The following HMCN1 variants were observed in gnomAD, a reference collection of about 807,000 sequenced individuals.
HMCN1 encodes the protein hemicentin-1.
HMCN1 carries 321 observed loss-of-function variants against 625.9 expected under a neutral mutation model. The observed-to-expected ratio is 0.51, with a 90% CI of 0.47 to 0.56. The LOEUF (loss-of-function observed/expected upper bound fraction) is 0.56. HMCN1 is among the 20% of genes least tolerant of loss of function. The pLI, the probability that HMCN1 is intolerant of heterozygous loss-of-function variation, is 0.00. For missense variants in HMCN1, 6,588 were observed against 6,887.3 expected, an observed-to-expected ratio of 0.96 and a Z score of 1.54; for synonymous variants, 2,425 against 2,417.6, an observed-to-expected ratio of 1.00 and a Z score of -0.09.
At chr1:185,993,684 T>C (rs1652593097) in intron 23 of HMCN1, among the ~76,000 whole-genome samples, 1 of 152,134 alleles carries the variant, frequency 6.6e-6, no homozygotes. Context: ...TAAATGATAA[T>C]TTTCAATATT....
chr1:186,151,540 G>A, intron 94 of HMCN1, 66 bp from the exon 95 acceptor site: 1 of 1,468,082 alleles, frequency 6.8e-7, no homozygotes, highest in Non-Finnish European at 9.5e-7. Context: ...TGAATAATAT[G>A]CTATGAAGAC....
intron 15 of HMCN1, among the ~76,000 whole-genome samples, chr1:185,976,932 C>G (rs1651255845): frequency 6.6e-6 from 1 of 152,072 alleles, no homozygotes; most frequent in Admixed American, 6.6e-5. Flanking sequence ...TGCCTGGTGT[C>G]TCATCACCCA....
chr1:186,097,632 A>C (rs1003095684), intron 68 of HMCN1, among the ~76,000 whole-genome samples: 3 of 152,162 alleles, frequency 2.0e-5, no homozygotes, highest in African/African-American at 4.8e-5. Context: ...CTATACTCCC[A>C]AAACAATCAG....
intron 1 of HMCN1, among the ~76,000 whole-genome samples, chr1:185,735,866 G>A (rs897185060): frequency 6.6e-6 from 1 of 152,176 alleles, no homozygotes; most frequent in Non-Finnish European, 1.5e-5. Context: ...AGCCTTGCAA[G>A]GGAAACCCTG....
chr1:185,757,420 T>C (rs763732538), intron 1 of HMCN1, among the ~76,000 whole-genome samples: 3 of 152,200 alleles, frequency 2.0e-5, no homozygotes, highest in Non-Finnish European at 4.4e-5. Flanking sequence ...ATGCAGCTCA[T>C]TCTCCTTTCA....
chr1:186,030,437 G>A (rs1252347120), intron 36 of HMCN1, among the ~76,000 whole-genome samples: 2 of 151,916 alleles, frequency 1.3e-5, no homozygotes, highest in African/African-American at 4.8e-5. Context: ...TTTTTTTAAA[G>A]TCCTACTTTG....
intron 11 of HMCN1, among the ~76,000 whole-genome samples, chr1:185,945,087 TATG>T (rs1264855349): frequency 6.6e-6 from 1 of 152,218 alleles, no homozygotes; most frequent in Non-Finnish European, 1.5e-5. Context: ...ATGAAGGGGC[TATG>T]ATATTTGACT....
intron 106 of HMCN1, among the ~76,000 whole-genome samples, chr1:186,189,101 G>A (rs1362698607): frequency 6.6e-6 from 1 of 152,044 alleles, no homozygotes; most frequent in Non-Finnish European, 1.5e-5. Context: ...AATATATTTT[G>A]TTTCACCTTT....
intron 4 of HMCN1, among the ~76,000 whole-genome samples, chr1:185,878,259 G>A (rs1664080696): frequency 6.6e-6 from 1 of 152,062 alleles, no homozygotes. Flanking sequence ...GATTGCTCTG[G>A]CTAGGACTTT....
In HMCN1 at chr1:186,003,740, C is replaced by A; in HGVS notation, c.4371C>A (p.Thr1457=). 1 of 1,613,110 alleles carries A rather than the reference C, an allele frequency of 6.2e-7. No homozygotes were observed. The highest frequency in any genetic ancestry group is 8.5e-7 in the Non-Finnish European group (1 of 1,179,282). Residue 1457 remains threonine, a synonymous_variant, in exon 29 of 107, where the codon ACC becomes ACA. Transcript: ENST00000271588. ...AAGTTCCACCCACCATAATAGGTACCAACTTCCCAAATGAAGTCTCAGTTG... is the reference window on the plus strand; with the variant it reads ...AAGTTCCACCCACCATAATAGGTACAAACTTCCCAAATGAAGTCTCAGTTG... The part of the protein sequence containing the change: ...DVLVPPTIIG[T]NFPNEVSVVL...
chr1:186,043,502 A>G (rs1201649682), intron 40 of HMCN1, among the ~76,000 whole-genome samples: 1 of 152,174 alleles, frequency 6.6e-6, no homozygotes, highest in African/African-American at 2.4e-5. Flanking sequence ...ATGTAAAAAA[A>G]GTAACTGAAG....
intron 104 of HMCN1, among the ~76,000 whole-genome samples, chr1:186,179,971 G>A (rs953074738): frequency 1.3e-4 from 20 of 152,016 alleles, no homozygotes; most frequent in African/African-American, 4.8e-4. Flanking sequence ...TTTTTACCCT[G>A]ATGTATCTGC....
At chr1:186,127,365 A>G (rs560661150) in intron 82 of HMCN1, among the ~76,000 whole-genome samples, 1 of 152,248 alleles carries the variant, frequency 6.6e-6, no homozygotes, top group African/African-American at 2.4e-5. Context: ...GCACTGTATG[A>G]GATCACCAAA....
At chr1:186,121,256 T>C (rs1661383059) in intron 80 of HMCN1, among the ~76,000 whole-genome samples, 1 of 152,178 alleles carries the variant, frequency 6.6e-6, no homozygotes, top group East Asian at 1.9e-4. Context: ...CCCTAAGATA[T>C]GTAGATTTTA....
At chr1:185,958,043 A>G (rs1331899684) in intron 11 of HMCN1, among the ~76,000 whole-genome samples, 2 of 152,224 alleles carry the variant, frequency 1.3e-5, no homozygotes, top group Admixed American at 1.3e-4. Flanking sequence ...AGATTTCAGA[A>G]GAATTAAATA....
intron 34 of HMCN1, 122 bp downstream of exon 34, chr1:186,018,474 G>T: frequency 2.9e-6 from 3 of 1,052,248 alleles, no homozygotes; most frequent in Non-Finnish European, 4.4e-6. Flanking sequence ...GTAGTGTAAA[G>T]GATGTGAATT....
chr1:185,872,205 C>T (rs1342285322), intron 4 of HMCN1, among the ~76,000 whole-genome samples: 2 of 152,114 alleles, frequency 1.3e-5, no homozygotes, highest in Non-Finnish European at 2.9e-5. Context: ...ACAAACACAA[C>T]AGAAAAGGAA....
intron 11 of HMCN1, among the ~76,000 whole-genome samples, chr1:185,956,395 C>A (rs935910414): frequency 1.8e-4 from 27 of 152,172 alleles, no homozygotes; most frequent in African/African-American, 6.5e-4. Context: ...GTTCCTACAA[C>A]CCCCTCCTGG....
rs1438030356 is a variant in HMCN1 at position 186,065,327 on chromosome 1, C to A, written c.7603C>A (p.Leu2535Ile). Residue 2535 changes from leucine to isoleucine, a missense_variant, in exon 49 of 107, where the codon CTT (leucine) becomes ATT (isoleucine). Physicochemically the swap from Leu to Ile is conservative, Grantham distance 5. This residue lies in a region of HMCN1 where 4,628 missense variants were observed against 4,853.1 expected (regional missense o/e 0.95). Transcript: ENST00000271588. The stretch of plus-strand genomic sequence containing the variant: ...TCACATTATATCTGGTGGCCGTTTT[C>A]TTCAAATTACCAATGTCCAGGTGCC... ...AHHIISGGRF[L>I]QITNVQVPHT... The A allele has an allele frequency of 6.2e-7, 1 of 1,612,680 alleles. No homozygotes were observed.
Sources: allele counts gnomAD v4.1 joint callset (sites outside exome capture counted in the v4.1 genomes callset), GRCh38; gene constraint gnomAD v4.1.1; regional missense constraint gnomAD v4.1.1; transcripts MANE v1.5; gene names NCBI Gene and HGNC (gene_info 2026-07-23, HGNC 2026-07-21).